EYS: variants seen among roughly 807,000 people sequenced by gnomAD.
The protein encoded by EYS is EGF-like photoreceptor maintenance factor.
In EYS, 250 loss-of-function variants were observed where a neutral mutation model predicts 282.1. The observed-to-expected ratio is 0.89, with a 90% CI of 0.80 to 0.98. The LOEUF (loss-of-function observed/expected upper bound fraction) is 0.98. Among genes scored for constraint, EYS ranks in the 50% least tolerant of loss-of-function variants. EYS has a pLI of 0.00. For synonymous variants in EYS, 1,355 were observed against 1,282.9 expected (o/e 1.06, Z -1.20); for missense variants, 4,016 against 3,709.0 (o/e 1.08, Z -2.15).
intron 12 of EYS, among the ~76,000 whole-genome samples, chr6:65,267,391 A>G (rs542842874): frequency 6.6e-6 from 1 of 151,958 alleles, no homozygotes; most frequent in South Asian, 2.1e-4. Flanking sequence ...AAAAAAATCG[A>G]TCATAGTCTG....
chr6:65,613,126 C>A (rs910720454), intron 2 of EYS, among the ~76,000 whole-genome samples: 6 of 151,756 alleles, frequency 4.0e-5, no homozygotes, highest in Admixed American at 2.6e-4. Context: ...CAGATATACA[C>A]GTCTGTCTTA....
chr6:65,587,534 C>T (rs1765095266), intron 2 of EYS, among the ~76,000 whole-genome samples: 1 of 152,016 alleles, frequency 6.6e-6, no homozygotes, highest in South Asian at 2.1e-4. Context: ...CCCCTTCTGC[C>T]GTGACTGCAA....
intron 30 of EYS, among the ~76,000 whole-genome samples, chr6:64,272,447 G>A (rs1051684697): frequency 1.4e-4 from 22 of 152,252 alleles, no homozygotes; most frequent in Admixed American, 1.4e-3. Context: ...CTTCCTTCAG[G>A]AGCTCTTGTA....
chr6:65,261,601 T>C (rs957715903), intron 12 of EYS, among the ~76,000 whole-genome samples: 1 of 152,072 alleles, frequency 6.6e-6, no homozygotes, highest in Non-Finnish European at 1.5e-5. Flanking sequence ...AAAGCAACTA[T>C]GTATAGATAA....
intron 8 of EYS, among the ~76,000 whole-genome samples, chr6:65,358,974 A>G (rs1562120399): frequency 6.6e-6 from 1 of 152,066 alleles, no homozygotes; most frequent in African/African-American, 2.4e-5. Context: ...TTGAATGCCA[A>G]GGTTTGGAAA....
chr6:64,173,662 G>T (rs1224225167), intron 31 of EYS, among the ~76,000 whole-genome samples: 1 of 152,118 alleles, frequency 6.6e-6, no homozygotes, highest in African/African-American at 2.4e-5. Flanking sequence ...GCTTTTCAGT[G>T]TGATACCTTA....
At chr6:65,681,974 C>T (rs1768841491) in intron 1 of EYS, among the ~76,000 whole-genome samples, 1 of 151,924 alleles carries the variant, frequency 6.6e-6, no homozygotes, top group Admixed American at 6.6e-5. Flanking sequence ...AGCCTAATCA[C>T]GTTGACCCCT....
intron 18 of EYS, among the ~76,000 whole-genome samples, chr6:64,899,021 C>A (rs952926745): frequency 6.6e-6 from 1 of 151,978 alleles, no homozygotes; most frequent in Non-Finnish European, 1.5e-5. Context: ...GACTTTAACA[C>A]CCCACTGTCA....
At chr6:64,102,488 T>G (rs1055487053) in intron 31 of EYS, among the ~76,000 whole-genome samples, 6 of 152,152 alleles carry the variant, frequency 3.9e-5, no homozygotes, top group African/African-American at 1.4e-4. Context: ...CCAAGATGAT[T>G]AAGCTGCCAA....
chr6:64,734,529 T>A (rs1036284689), intron 22 of EYS, among the ~76,000 whole-genome samples: 19 of 152,166 alleles, frequency 1.2e-4, no homozygotes, highest in Admixed American at 1.2e-3. Flanking sequence ...TTATAAAAAA[T>A]TTTGGGGTTT....
intron 29 of EYS, among the ~76,000 whole-genome samples, chr6:64,323,281 T>C (rs931386892): frequency 4.6e-5 from 7 of 152,148 alleles, no homozygotes; most frequent in African/African-American, 1.4e-4. Flanking sequence ...ATGTTACACA[T>C]CCTATGTGAT....
intron 8 of EYS, among the ~76,000 whole-genome samples, chr6:65,363,197 C>CTT (rs34228999): frequency 3.3e-5 from 5 of 150,934 alleles, no homozygotes; most frequent in African/African-American, 1.2e-4. Flanking sequence ...TATTAAAACT[C>CTT]TTTTTTTTTG....
At chr6:64,603,904 T>TGTGTGTGTGTGTGTGTG in intron 24 of EYS, among the ~76,000 whole-genome samples, 3 of 141,740 alleles carry the variant, frequency 2.1e-5, no homozygotes, top group African/African-American at 7.9e-5. Context: ...TGTGTGTGTG[T>TGTGTGTGTGTGTGTGTG]TCTCTGCCTG....
chr6:63,893,406 G>T (rs1350588895), intron 35 of EYS, among the ~76,000 whole-genome samples: 1 of 152,114 alleles, frequency 6.6e-6, no homozygotes, highest in African/African-American at 2.4e-5. Flanking sequence ...ATAAAAAAAG[G>T]ATGAGTTCTT....
intron 8 of EYS, among the ~76,000 whole-genome samples, chr6:65,358,599 A>AGT (rs61588307): frequency 0.045 from 6,323 of 140,848 alleles, 252 homozygotes; most frequent in African/African-American, 0.12. Flanking sequence ...AGGTTTCTGA[A>AGT]GTGTGTGTGT....
Position 65,005,501 on chromosome 6 carries a change from C to T in EYS, c.2138-7798G>A, listed in dbSNP as rs1771615501. ...CAAGGACCACCCGGTAACATTTTGG[C>T]GACCACGAAGGGACCTCCAAAGTGG... On this transcript the variant is annotated intron_variant, in intron 13 of 42. Transcript: ENST00000503581. Among the ~76,000 whole-genome samples the T allele has an allele frequency of 2.7e-5, 4 of 147,388 alleles. 1 individual carries two copies. The highest frequency in any genetic ancestry group is 6.7e-5 in the Admixed American group (1 of 14,824).
intron 5 of EYS, among the ~76,000 whole-genome samples, chr6:65,476,788 G>A (rs1399425661): frequency 1.6e-4 from 24 of 152,052 alleles, no homozygotes; most frequent in Admixed American, 1.6e-3. Flanking sequence ...TGTTGGCCAG[G>A]ATGGTCTCAA....
chr6:64,228,076 A>G (rs917967624), intron 31 of EYS, among the ~76,000 whole-genome samples: 1 of 152,130 alleles, frequency 6.6e-6, no homozygotes, highest in South Asian at 2.1e-4. Context: ...CTAGGACCAG[A>G]TTCCTGAATT....
chr6:65,140,424 C>T (rs954473720), intron 12 of EYS, among the ~76,000 whole-genome samples: 1 of 151,852 alleles, frequency 6.6e-6, no homozygotes, highest in Non-Finnish European at 1.5e-5. Flanking sequence ...TTTGTGTCAT[C>T]AGAGTCCCAG....
Sources: allele counts gnomAD v4.1 joint callset (sites outside exome capture counted in the v4.1 genomes callset), GRCh38; gene constraint gnomAD v4.1.1; transcripts MANE v1.5; gene names NCBI Gene and HGNC (gene_info 2026-07-23, HGNC 2026-07-21).